XPO4: variants seen among roughly 807,000 people sequenced by gnomAD.
XPO4 encodes the protein exportin 4, also known as exportin-4.
A neutral mutation model predicts 143.0 loss-of-function variants in XPO4; 39 were observed. That is an observed-to-expected ratio of 0.27 (90% CI 0.21 to 0.36). XPO4 has a LOEUF of 0.36. Among genes scored for constraint, XPO4 ranks in the 10% least tolerant of loss-of-function variants. XPO4 has a pLI of 1.00. For missense variants in XPO4, 907 were observed against 1,348.0 expected, an observed-to-expected ratio of 0.67 and a Z score of 5.12; for synonymous variants, 439 against 474.0, an observed-to-expected ratio of 0.93 and a Z score of 0.96.
At chr13:20,873,471 G>A (rs575048385) in intron 1 of XPO4, among the ~76,000 whole-genome samples, 13 of 152,260 alleles carry the variant, frequency 8.5e-5, no homozygotes, top group Non-Finnish European at 1.8e-4. Context: ...CTGTCCTTAT[G>A]GAATTCTATT....
intron 7 of XPO4, among the ~76,000 whole-genome samples, chr13:20,823,444 A>C (rs1359745471): frequency 2.6e-5 from 4 of 152,218 alleles, no homozygotes; most frequent in African/African-American, 9.6e-5. Flanking sequence ...TAAACATTAC[A>C]AAGTTAGTTG....
At chr13:20,847,101 C>T (rs2785741) in intron 4 of XPO4, among the ~76,000 whole-genome samples, 33,319 of 151,928 alleles carry the variant, frequency 0.22, 5,430 homozygotes, top group East Asian at 0.8. Context: ...TATGAGATTA[C>T]CATCATAAAT....
rs181570594 is a variant in XPO4 at position 20,823,744 on chromosome 13, C to T, written c.841-1455G>A. Among the ~76,000 whole-genome samples, 287 of 152,228 alleles carry T rather than the reference C, an allele frequency of 1.9e-3. 3 individuals carry two copies. The highest frequency in any genetic ancestry group is 6.4e-3 in the African/African-American group (265 of 41,544). On this transcript the variant is annotated intron_variant, in intron 7 of 22. Coordinates refer to ENST00000255305, the MANE Select transcript of XPO4 (RefSeq NM_022459.5). ...TCAGCTCATAGCAACCTCCGCCTCCCGGGTTCAAGCAATTCTCCTGCCTCA... is the reference window on the plus strand; with the variant it reads ...TCAGCTCATAGCAACCTCCGCCTCCTGGGTTCAAGCAATTCTCCTGCCTCA...
chr13:20,808,745 GATTT>G (rs2059539228), intron 11 of XPO4, among the ~76,000 whole-genome samples, 164 bp from the exon 12 acceptor site: 1 of 152,188 alleles, frequency 6.6e-6, no homozygotes, highest in Admixed American at 6.5e-5. Context: ...TAGGAATTAT[GATTT>G]ATTTTTTATA....
At chr13:20,865,955 T>C (rs2060241374) in intron 2 of XPO4, 3 of 871,984 alleles carry the variant, frequency 3.4e-6, no homozygotes, top group African/African-American at 3.6e-5. Context: ...TGGTGGTTTA[T>C]TATTTTGTTT....
chr13:20,857,728 AAAAC>A (rs2060158809), intron 3 of XPO4: 1 of 696,828 alleles, frequency 1.4e-6, no homozygotes, highest in South Asian at 6.4e-5. Context: ...CTCCATCTCA[AAAAC>A]AAACAAAAAA....
intron 7 of XPO4, among the ~76,000 whole-genome samples, chr13:20,823,570 T>TG (rs66692867): frequency 1.1e-5 from 1 of 92,212 alleles, no homozygotes; most frequent in East Asian, 5.1e-3. Context: ...AATGGTTGTG[T>TG]TTTTTTCTTT....
At chr13:20,898,064 T>C (rs2060585823) in intron 1 of XPO4, among the ~76,000 whole-genome samples, 2 of 152,144 alleles carry the variant, frequency 1.3e-5, no homozygotes, top group African/African-American at 4.8e-5. Flanking sequence ...GGTTTTCTCA[T>C]TTATAAGGTT....
chr13:20,897,261 T>TTACACATTGAAGGTCTCAGGAAATA (rs1356948845), intron 1 of XPO4, among the ~76,000 whole-genome samples: 1 of 152,190 alleles, frequency 6.6e-6, no homozygotes, highest in East Asian at 1.9e-4. Context: ...GCAGTGTACC[T>TTACACATTGAAGGTCTCAGGAAATA]TACACATTGA....
intron 22 of XPO4, among the ~76,000 whole-genome samples, chr13:20,784,730 C>T (rs1452932426): frequency 6.6e-6 from 1 of 152,092 alleles, no homozygotes; most frequent in Non-Finnish European, 1.5e-5. Flanking sequence ...ACTGTTTGAG[C>T]CCGGGAATTT....
chr13:20,820,274 A>T (rs1030777104), intron 9 of XPO4, among the ~76,000 whole-genome samples: 23 of 152,216 alleles, frequency 1.5e-4, no homozygotes, highest in Admixed American at 1.4e-3. Flanking sequence ...TGAAGGAAAA[A>T]TTGTCAAGAT....
intron 16 of XPO4, among the ~76,000 whole-genome samples, chr13:20,798,429 C>T (rs1268742445): frequency 4.6e-5 from 7 of 152,228 alleles, no homozygotes; most frequent in Non-Finnish European, 1.0e-4. Context: ...TTCTAGCCTC[C>T]AGAAGTAGGA....
At position 20,809,935 on chromosome 13, in the gene XPO4, T is replaced by C. The variant is rs2137894583; in HGVS notation, c.1206A>G (p.Ala402=). 6.2e-7 allele frequency: 1 copy of C among 1,613,466 alleles called. No homozygotes were observed. Among genetic ancestry groups the C allele is most frequent in the East Asian group, 2.2e-5 (1 of 44,836 alleles). The part of the protein sequence containing the change: ...LDKDDMVYME[A]YDKLLESWLT... The stretch of plus-strand genomic sequence containing the variant: ...ACCAGGACTCCAACAATTTATCATA[T>C]GCTTCCATGTATACCATGTCATCTT... Residue 402 remains alanine (A), a synonymous_variant, in exon 10 of 23, where the codon GCA becomes GCG. Coordinates refer to ENST00000255305, the MANE Select transcript of XPO4 (RefSeq NM_022459.5).
chr13:20,798,624 T>C (rs2137835516), intron 16 of XPO4, among the ~76,000 whole-genome samples: 1 of 152,300 alleles, frequency 6.6e-6, no homozygotes, highest in African/African-American at 2.4e-5. Context: ...CTTGATAATA[T>C]TCAATGTCAT....
intron 4 of XPO4, chr13:20,851,271 C>A: frequency 2.0e-6 from 2 of 985,364 alleles, no homozygotes; most frequent in Non-Finnish European, 2.4e-6. Context: ...ATGCATTTAA[C>A]CTGCCATATA....
At chr13:20,854,361 T>C (rs2060120707) in intron 4 of XPO4, among the ~76,000 whole-genome samples, 1 of 152,070 alleles carries the variant, frequency 6.6e-6, no homozygotes, top group Non-Finnish European at 1.5e-5. Context: ...TCCAAGATAT[T>C]GTGGAAAGCA....
intron 9 of XPO4, among the ~76,000 whole-genome samples, chr13:20,814,534 T>C (rs1321211110): frequency 2.0e-5 from 3 of 152,236 alleles, no homozygotes; most frequent in Non-Finnish European, 2.9e-5. Flanking sequence ...TTGTTGACAA[T>C]TGGCAACTAA....
chr13:20,878,297 C>G (rs1433095185), intron 1 of XPO4, among the ~76,000 whole-genome samples: 2 of 152,114 alleles, frequency 1.3e-5, no homozygotes, highest in African/African-American at 4.8e-5. Context: ...TCCCAACCAG[C>G]AAGGTATGCA....
intron 4 of XPO4, chr13:20,849,305 T>C: frequency 1.0e-6 from 1 of 985,434 alleles, no homozygotes; most frequent in Non-Finnish European, 1.2e-6. Context: ...ATCCAGGGGC[T>C]GCCGTAGACA....
Sources: allele counts gnomAD v4.1 joint callset (sites outside exome capture counted in the v4.1 genomes callset), GRCh38; gene constraint gnomAD v4.1.1; transcripts MANE v1.5; gene names NCBI Gene and HGNC (gene_info 2026-07-23, HGNC 2026-07-21).